The following CIMIP1 variants were observed in gnomAD, a reference collection of about 807,000 sequenced individuals.
CIMIP1 encodes low in lung cancer 1.
At chr20:58,151,341 T>G in the CIMIP1 span, among the ~76,000 whole-genome samples, 8 of 149,666 alleles carry the variant, frequency 5.3e-5, no homozygotes, top group East Asian at 1.2e-3. Flanking sequence ...ATGTTCATGT[T>G]TTTTTTTTTT....
the CIMIP1 span, chr20:58,151,080 A>G: frequency 9.2e-6 from 14 of 1,517,944 alleles, no homozygotes; most frequent in African/African-American, 1.6e-4. Context: ...TCTCACCTGA[A>G]GTGTCCACAT....
At chr20:58,156,885 C>T in the CIMIP1 span, among the ~76,000 whole-genome samples, 3 of 152,118 alleles carry the variant, frequency 2.0e-5, no homozygotes, top group African/African-American at 7.2e-5. Context: ...AGGAGGAGTT[C>T]AGCTGCAGCC....
At chr20:58,159,121 T>C in the CIMIP1 span, among the ~76,000 whole-genome samples, 1 of 151,926 alleles carries the variant, frequency 6.6e-6, no homozygotes, top group Admixed American at 6.6e-5. Flanking sequence ...ATCAGGATAT[T>C]TTAGAATGAA....
At chr20:58,160,144 G>C in the CIMIP1 span, among the ~76,000 whole-genome samples, 1 of 152,224 alleles carries the variant, frequency 6.6e-6, no homozygotes, top group Non-Finnish European at 1.5e-5. Context: ...AAATGAAGTT[G>C]TGTTTTTTCA....
chr20:58,157,770 C>T, the CIMIP1 span, among the ~76,000 whole-genome samples: 1 of 152,220 alleles, frequency 6.6e-6, no homozygotes. Context: ...TTAGTGCCTA[C>T]AAAGGTGATT....
chr20:58,155,532 G>A, the CIMIP1 span: 212 of 1,614,080 alleles, frequency 1.3e-4, 1 homozygote, highest in African/African-American at 1.6e-3. Flanking sequence ...GAGCGTTTCC[G>A]CATCCGGCCG....
At chr20:58,155,695 G>A in the CIMIP1 span, 2 of 740,826 alleles carry the variant, frequency 2.7e-6, no homozygotes, top group Non-Finnish European at 2.2e-6. Context: ...GCACAGCAGT[G>A]CCAGGTGCAG....
the CIMIP1 span, among the ~76,000 whole-genome samples, chr20:58,154,848 C>T: frequency 6.6e-6 from 1 of 152,184 alleles, no homozygotes; most frequent in African/African-American, 2.4e-5. Flanking sequence ...GGATCTGTCA[C>T]CCAGGCTGGA....
chr20:58,159,204 T>TTTTTTG, the CIMIP1 span, among the ~76,000 whole-genome samples: 1 of 149,684 alleles, frequency 6.7e-6, no homozygotes, highest in Non-Finnish European at 1.5e-5. Flanking sequence ...TTTTTTTTTT[T>TTTTTTG]GCATCTGCAC....
At chr20:58,154,079 GAC>G in the CIMIP1 span, among the ~76,000 whole-genome samples, 13 of 152,336 alleles carry the variant, frequency 8.5e-5, no homozygotes, top group East Asian at 2.5e-3. Flanking sequence ...GAAGGCTATG[GAC>G]ACCTCACCTG....
At chr20:58,155,708 T>C in the CIMIP1 span, 1 of 683,330 alleles carries the variant, frequency 1.5e-6, no homozygotes, top group South Asian at 2.0e-5. Context: ...AGGTGCAGAG[T>C]CCAGGTCCAC....
the CIMIP1 span, among the ~76,000 whole-genome samples, chr20:58,153,313 C>T: frequency 6.6e-6 from 1 of 152,188 alleles, no homozygotes; most frequent in Non-Finnish European, 1.5e-5. Flanking sequence ...CCTTACCCGG[C>T]ATTCCCTCTC....
the CIMIP1 span, chr20:58,150,959 G>A: frequency 3.7e-6 from 6 of 1,602,546 alleles, no homozygotes; most frequent in African/African-American, 8.0e-5. Context: ...AGAGCCCCCA[G>A]GCCTCATGGC....
the CIMIP1 span, chr20:58,151,131 A>C: frequency 2.9e-5 from 34 of 1,182,000 alleles, no homozygotes; most frequent in East Asian, 8.3e-4. Context: ...GAAGTGATCG[A>C]CCACTAAACT....
chr20:58,156,147 C>T, the CIMIP1 span, among the ~76,000 whole-genome samples: 1 of 152,184 alleles, frequency 6.6e-6, no homozygotes, highest in Non-Finnish European at 1.5e-5. Flanking sequence ...GAAGGCAAGA[C>T]CCCAGCCCAC....
chr20:58,153,427 T>G, the CIMIP1 span: 1 of 751,142 alleles, frequency 1.3e-6, no homozygotes, highest in African/African-American at 1.8e-5. Context: ...GGCTCCTCAC[T>G]CCGTCCCTGG....
chr20:58,160,801 G>A, the CIMIP1 span: 1 of 1,612,914 alleles, frequency 6.2e-7, no homozygotes, highest in South Asian at 1.1e-5. Context: ...AGCTGTGCTG[G>A]CCCAAGCAGG....
the CIMIP1 span, chr20:58,155,503 GCC>G: frequency 1.2e-6 from 2 of 1,614,146 alleles, no homozygotes; most frequent in Non-Finnish European, 1.7e-6. Context: ...CCACCCCAAA[GCC>G]CAAAATCGAG....
chr20:58,155,985 CT>C, the CIMIP1 span, among the ~76,000 whole-genome samples: 1 of 152,208 alleles, frequency 6.6e-6, no homozygotes, highest in South Asian at 2.1e-4. Context: ...TGTGTCTCCC[CT>C]GCCTGTCTTA....
Sources: allele counts gnomAD v4.1 joint callset (sites outside exome capture counted in the v4.1 genomes callset), GRCh38; gene constraint gnomAD v4.1.1; transcripts MANE v1.5; gene names NCBI Gene and HGNC (gene_info 2026-07-23, HGNC 2026-07-21).